The following TTC7B variants were observed in gnomAD, a reference collection of about 807,000 sequenced individuals.
The protein encoded by TTC7B is tetratricopeptide repeat protein 7B.
A neutral mutation model predicts 106.8 loss-of-function variants in TTC7B; 28 were observed. The observed-to-expected ratio is 0.26, with a 90% CI of 0.19 to 0.36. The LOEUF (loss-of-function observed/expected upper bound fraction) is 0.36. Ranked by LOEUF, TTC7B falls within the 10% of genes least tolerant of loss-of-function variation. The pLI is 1.00. For missense variants in TTC7B, 862 were observed against 1,076.4 expected, an observed-to-expected ratio of 0.80 and a Z score of 2.79; for synonymous variants, 405 against 430.6, an observed-to-expected ratio of 0.94 and a Z score of 0.74.
At position 90,534,663 on chromosome 14, in the gene TTC7B, G is replaced by C. The variant is rs1595138030; in HGVS notation, c.*6705C>G. 1 of 152,568 alleles carries C rather than the reference G, an allele frequency of 6.6e-6. No individual in the cohort carries two copies. The highest frequency in any genetic ancestry group is 1.9e-4 in the East Asian group (1 of 5,186). 9.5% of individuals were successfully genotyped at this position (152,568 alleles called of 1,614,324 possible). A position where few individuals can be genotyped will look rare whatever the true frequency, so the allele number is the denominator to read the frequency against. On this transcript the variant is annotated 3_prime_UTR_variant, in exon 20 of 20. Coordinates refer to ENST00000328459, the MANE Select transcript of TTC7B (RefSeq NM_001010854.2). ...CCGAGTGGCAGGGGCCGAGCGCTGG[G>C]AGGGTATGGGGGCATTGGAGGGAGA...
At chr14:90,664,567 A>C (rs74081273) in intron 9 of TTC7B, among the ~76,000 whole-genome samples, 4,512 of 152,326 alleles carry the variant, frequency 0.03, 198 homozygotes, top group African/African-American at 0.1. Context: ...CACCATACCC[A>C]GCTGCATTCA....
chr14:90,591,997 AG>A (rs1172573708), intron 18 of TTC7B, among the ~76,000 whole-genome samples: 2 of 152,254 alleles, frequency 1.3e-5, no homozygotes, highest in Admixed American at 1.3e-4. Flanking sequence ...ACTTCTGCTT[AG>A]AAGAATATAA....
intron 19 of TTC7B, among the ~76,000 whole-genome samples, chr14:90,558,397 CCA>C (rs1890416291): frequency 6.6e-6 from 1 of 152,264 alleles, no homozygotes; most frequent in Admixed American, 6.5e-5. Flanking sequence ...CCCACCAAGC[CCA>C]CCCCGGGCGC....
chr14:90,547,348 C>G, intron 19 of TTC7B, among the ~76,000 whole-genome samples: 1 of 152,214 alleles, frequency 6.6e-6, no homozygotes, highest in South Asian at 2.1e-4. Flanking sequence ...TAATTGCTGC[C>G]CAGGGGCTAA....
intron 1 of TTC7B, among the ~76,000 whole-genome samples, chr14:90,806,380 A>G (rs897146163): frequency 5.3e-5 from 8 of 152,192 alleles, no homozygotes; most frequent in Admixed American, 3.9e-4. Context: ...CTGAGTCACA[A>G]TCAGTACAAC....
intron 9 of TTC7B, among the ~76,000 whole-genome samples, chr14:90,661,378 T>C (rs912439152): frequency 6.6e-6 from 1 of 151,970 alleles, no homozygotes; most frequent in African/African-American, 2.4e-5. Context: ...GAGGCAGAAA[T>C]GAAAGCAGCA....
chr14:90,538,933 C>A lies in TTC7B; in HGVS notation c.*2435G>T, dbSNP rs1331280610. 6.6e-6 allele frequency: 1 copy of A among 152,184 alleles called. No individual in the cohort carries two copies. Among genetic ancestry groups the A allele is most frequent in the East Asian group, 1.9e-4 (1 of 5,188 alleles). 9.4% of individuals were successfully genotyped at this position (152,184 alleles called of 1,614,324 possible). A position where few individuals can be genotyped will look rare whatever the true frequency, so the allele number is the denominator to read the frequency against. ...TTGGCATCATTCTCAGGCAGGCCAC[C>A]CCATATAATGTCAAATGGCACCCAC... On this transcript the variant is annotated 3_prime_UTR_variant, in exon 20 of 20. Coordinates refer to ENST00000328459, the MANE Select transcript of TTC7B (RefSeq NM_001010854.2).
At position 90,608,106 on chromosome 14, in the gene TTC7B, AG is replaced by A. The variant is rs1892721739; in HGVS notation, c.1966+2635del. ...GGTTCGCAAGGCGGGCTCTCCACAC[AG>A]GTGTGTGAATGACAGCATCTGCCCC... On this transcript the variant is annotated intron_variant, in intron 17 of 19. Coordinates refer to ENST00000328459, the MANE Select transcript of TTC7B (RefSeq NM_001010854.2). The surrounding 1 kb of genome is among the most constrained non-coding windows in gnomAD (Gnocchi z 5.1). Among the ~76,000 whole-genome samples the A allele has an allele frequency of 2.0e-5, 3 of 152,202 alleles. No individual in the cohort carries two copies. Among genetic ancestry groups the A allele is most frequent in the African/African-American group, 7.2e-5 (3 of 41,446 alleles).
rs921405801 is a variant in TTC7B, at chr14:90,524,914, CA to C, written c.*16453del. 4.6e-5 allele frequency: 7 copies of C among 150,742 alleles called. No individual in the cohort carries two copies. The highest frequency in any genetic ancestry group is 8.9e-5 in the Non-Finnish European group (6 of 67,662). The allele number at this position is 150,742 out of a possible 1,614,324, so 9.3% of individuals were successfully genotyped here. A position where few individuals can be genotyped will look rare whatever the true frequency, so the allele number is the denominator to read the frequency against. On this transcript the variant is annotated 3_prime_UTR_variant, in exon 20 of 20. Coordinates refer to ENST00000328459, the MANE Select transcript of TTC7B (RefSeq NM_001010854.2). Reference sequence around the variant, plus strand: ...TAAAAAAAAAAAACAAACAAAAAAACAAAAAACAGCCTTATGAAGATGTGAT... The same window carrying C: ...TAAAAAAAAAAAACAAACAAAAAAACAAAAACAGCCTTATGAAGATGTGAT...
intron 1 of TTC7B, among the ~76,000 whole-genome samples, chr14:90,812,409 C>T (rs958363779): frequency 6.6e-6 from 1 of 152,178 alleles, no homozygotes; most frequent in African/African-American, 2.4e-5. Context: ...TATCCCTGAG[C>T]GCTCAGGCTG....
At chr14:90,797,958 T>C (rs1199312407) in intron 1 of TTC7B, among the ~76,000 whole-genome samples, 2 of 152,178 alleles carry the variant, frequency 1.3e-5, no homozygotes, top group Non-Finnish European at 2.9e-5. Flanking sequence ...TGTCTTCACG[T>C]TTCCTGAATC....
At chr14:90,543,232 A>C (rs1240035644) in intron 19 of TTC7B, among the ~76,000 whole-genome samples, 1 of 152,134 alleles carries the variant, frequency 6.6e-6, no homozygotes, top group Non-Finnish European at 1.5e-5. Flanking sequence ...TTTTTTTGCC[A>C]CTTCAAAACT....
intron 9 of TTC7B, among the ~76,000 whole-genome samples, chr14:90,658,727 T>C (rs548815214): frequency 6.6e-6 from 1 of 152,146 alleles, no homozygotes; most frequent in Non-Finnish European, 1.5e-5. Flanking sequence ...AGGACTGTGG[T>C]GAGGTGATCC....
intron 15 of TTC7B, among the ~76,000 whole-genome samples, chr14:90,627,171 T>C (rs529151474): frequency 6.6e-6 from 1 of 151,978 alleles, no homozygotes; most frequent in Non-Finnish European, 1.5e-5. Flanking sequence ...TTTTAGTAGA[T>C]ATGGGGGTCT....
intron 1 of TTC7B, among the ~76,000 whole-genome samples, chr14:90,787,770 T>G (rs934300965): frequency 2.6e-5 from 4 of 152,128 alleles, no homozygotes; most frequent in African/African-American, 9.7e-5. Flanking sequence ...AAATAACCTT[T>G]TAGAGATGAG....
chr14:90,640,919 C>T (rs1001599281), intron 15 of TTC7B, among the ~76,000 whole-genome samples: 10 of 152,190 alleles, frequency 6.6e-5, no homozygotes, highest in Non-Finnish European at 1.3e-4. Context: ...CATTGTAAGA[C>T]TGCACTCTCA....
intron 19 of TTC7B, among the ~76,000 whole-genome samples, chr14:90,550,178 A>G (rs1309268134): frequency 6.6e-6 from 1 of 152,128 alleles, no homozygotes. Flanking sequence ...CTGAGCTCCC[A>G]TTCCACAGGT....
chr14:90,569,034 T>C (rs900888303), intron 19 of TTC7B, among the ~76,000 whole-genome samples: 58 of 152,194 alleles, frequency 3.8e-4, no homozygotes, highest in African/African-American at 1.4e-3. Flanking sequence ...GCCCCTCTGA[T>C]GGGATTTGAC....
intron 12 of TTC7B, among the ~76,000 whole-genome samples, chr14:90,653,556 C>T (rs1885821743): frequency 6.6e-6 from 1 of 152,174 alleles, no homozygotes; most frequent in Non-Finnish European, 1.5e-5. Context: ...TGAGAAATGG[C>T]CCCTTAAACC....
Sources: allele counts gnomAD v4.1 joint callset (sites outside exome capture counted in the v4.1 genomes callset), GRCh38; gene constraint gnomAD v4.1.1; non-coding constraint Gnocchi (gnomAD v3.1); transcripts MANE v1.5; gene names NCBI Gene and HGNC (gene_info 2026-07-23, HGNC 2026-07-21).